TSPAN9: variants seen among roughly 807,000 people sequenced by gnomAD.
TSPAN9 encodes tetraspanin-9.
A neutral mutation model predicts 31.0 loss-of-function variants in TSPAN9; 16 were observed. The observed-to-expected ratio is 0.52, with a 90% CI of 0.35 to 0.78. The LOEUF (loss-of-function observed/expected upper bound fraction) is 0.78. TSPAN9 is among the 30% of genes least tolerant of loss of function. TSPAN9 has a pLI of 0.01. For missense variants in TSPAN9, 272 were observed against 312.5 expected (o/e 0.87, Z 0.98); for synonymous variants, 145 against 121.6 (o/e 1.19, Z -1.27).
At chr12:3,184,099 A>G (rs746835194) in intron 2 of TSPAN9, among the ~76,000 whole-genome samples, 36 of 152,282 alleles carry the variant, frequency 2.4e-4, no homozygotes, top group Non-Finnish European at 4.4e-4. Flanking sequence ...TCTTCCTTCA[A>G]TAAGAAAATC....
At chr12:3,097,158 G>A (rs561872021) in intron 2 of TSPAN9, among the ~76,000 whole-genome samples, 45 of 152,288 alleles carry the variant, frequency 3.0e-4, no homozygotes, top group Non-Finnish European at 5.3e-4. Context: ...GAGCAGAGGA[G>A]GCTGGAGCCA....
At chr12:3,268,172 T>TGCCCTCCCTGCGTTCCTGC (rs1363782999) in intron 3 of TSPAN9, among the ~76,000 whole-genome samples, 1 of 148,628 alleles carries the variant, frequency 6.7e-6, no homozygotes, top group Admixed American at 6.7e-5. Flanking sequence ...TCCTGCAGCC[T>TGCCCTCCCTGCGTTCCTGC]ACCCTCCGTG....
intron 3 of TSPAN9, chr12:3,212,029 T>G (rs889799188): frequency 1.5e-6 from 1 of 663,872 alleles, no homozygotes; most frequent in Non-Finnish European, 2.6e-6. Context: ...TGGAGTGCAG[T>G]GGCATGATCT....
intron 2 of TSPAN9, among the ~76,000 whole-genome samples, chr12:3,105,465 T>A (rs929626786): frequency 7.0e-6 from 1 of 143,656 alleles, no homozygotes; most frequent in Admixed American, 7.0e-5. Flanking sequence ...GCTGGAAAAA[T>A]TGGGGTCAGA....
intron 3 of TSPAN9, among the ~76,000 whole-genome samples, chr12:3,269,974 G>A (rs896256830): frequency 1.3e-5 from 2 of 152,210 alleles, no homozygotes; most frequent in Non-Finnish European, 2.9e-5. Flanking sequence ...ACTGGTGAAT[G>A]ATCACTCCTC....
intron 3 of TSPAN9, among the ~76,000 whole-genome samples, chr12:3,207,563 A>G (rs760638723): frequency 9.2e-5 from 14 of 152,172 alleles, no homozygotes; most frequent in Admixed American, 2.6e-4. Flanking sequence ...GCCATGGGAC[A>G]TCAGGGGAGA....
At chr12:3,127,766 C>T (rs1431000918) in intron 2 of TSPAN9, among the ~76,000 whole-genome samples, 4 of 152,140 alleles carry the variant, frequency 2.6e-5, no homozygotes, top group Non-Finnish European at 5.9e-5. Context: ...GTATTATGTA[C>T]TGTCCATAAT....
chr12:3,269,249 TGTGTTC>T (rs1422396510), intron 3 of TSPAN9, among the ~76,000 whole-genome samples: 3 of 44,350 alleles, frequency 6.8e-5, no homozygotes, highest in Admixed American at 2.1e-4. Flanking sequence ...CAGCCTGCCC[TGTGTTC>T]CTGCAGCCTG....
intron 3 of TSPAN9, among the ~76,000 whole-genome samples, chr12:3,217,105 C>T (rs2153974531): frequency 6.6e-6 from 1 of 152,362 alleles, no homozygotes; most frequent in South Asian, 2.1e-4. Context: ...TCATCGTTCC[C>T]TTTCTTTGGT....
At chr12:3,184,817 G>T (rs1023289677) in intron 2 of TSPAN9, among the ~76,000 whole-genome samples, 2 of 152,054 alleles carry the variant, frequency 1.3e-5, no homozygotes, top group African/African-American at 2.4e-5. Context: ...CGGAGGCTTG[G>T]GTGTCCATGG....
At chr12:3,225,590 C>G (rs2098386784) in intron 3 of TSPAN9, among the ~76,000 whole-genome samples, 1 of 152,108 alleles carries the variant, frequency 6.6e-6, no homozygotes, top group Non-Finnish European at 1.5e-5. Context: ...TTGTTGCATC[C>G]TCGTGGGAAG....
intron 2 of TSPAN9, among the ~76,000 whole-genome samples, chr12:3,104,791 C>T (rs943435332): frequency 1.3e-5 from 2 of 152,292 alleles, no homozygotes; most frequent in South Asian, 2.1e-4. Flanking sequence ...ACATTTTGTC[C>T]GAGGATACAG....
In TSPAN9 at chr12:3,157,827, C is replaced by G. The variant is rs1301167349; in HGVS notation, c.-17-43350C>G. Among the ~76,000 whole-genome samples, 3 of 152,304 alleles carry G rather than the reference C, an allele frequency of 2.0e-5. No individual in the cohort carries two copies. The East Asian group carries it at 5.8e-4, about 29-fold the overall frequency. On this transcript the variant is annotated intron_variant, in intron 2 of 8. Coordinates refer to ENST00000011898, the MANE Select transcript of TSPAN9 (RefSeq NM_006675.5). ...GCAGGCACCACCGCTGTCCAGGACGCATTTATGCCTGAATTGTAAGTTGTG... is the reference window on the plus strand; with the variant it reads ...GCAGGCACCACCGCTGTCCAGGACGGATTTATGCCTGAATTGTAAGTTGTG...
intron 2 of TSPAN9, among the ~76,000 whole-genome samples, chr12:3,174,614 A>T (rs549763173): frequency 6.6e-6 from 1 of 151,772 alleles, no homozygotes; most frequent in Non-Finnish European, 1.5e-5. Context: ...ACGGAGTCTC[A>T]CTCTGTCGCC....
intron 2 of TSPAN9, among the ~76,000 whole-genome samples, chr12:3,162,841 T>C (rs4766057): frequency 0.98 from 149,454 of 152,248 alleles, 73,412 homozygotes; most frequent in East Asian, 1. Context: ...AGGCTCAAGG[T>C]ACCATCTCCC....
rs57200900 is a variant in TSPAN9 at position 3,226,779 on chromosome 12, TA to T, written c.63+25524del. 3.4e-4 allele frequency among the ~76,000 whole-genome samples: 3 copies of T among 8,734 alleles called. 1 individual carries two copies. Among genetic ancestry groups the T allele is most frequent in the African/African-American group, 8.8e-4 (2 of 2,282 alleles). The allele number at this position is 8,734 out of a possible 152,430, so 5.7% of individuals were successfully genotyped here. ...ATATATATATATATATATATATATA[TA>T]TATATATATATATATTTTTTTTTTT... On this transcript the variant is annotated intron_variant, in intron 3 of 8. Transcript: ENST00000011898.
chr12:3,267,287 A>G (rs11615232), intron 3 of TSPAN9, among the ~76,000 whole-genome samples: 66,615 of 152,084 alleles, frequency 0.44, 16,007 homozygotes, highest in South Asian at 0.62. Flanking sequence ...CTTGTACAGC[A>G]TTTATATTCT....
intron 3 of TSPAN9, among the ~76,000 whole-genome samples, chr12:3,263,903 G>C (rs531337591): frequency 1.7e-4 from 26 of 152,322 alleles, no homozygotes; most frequent in African/African-American, 6.3e-4. Flanking sequence ...GGCTTTTTAG[G>C]TAGAGGGACA....
Position 3,168,473 on chromosome 12 carries a change from C to A in TSPAN9, c.-17-32704C>A, listed in dbSNP as rs1362880928. Among the ~76,000 whole-genome samples the A allele has an allele frequency of 6.6e-6, 1 of 152,284 alleles. No individual in the cohort carries two copies. ...CACACAGGACAGAATGAATTCAGGA[C>A]AGAGTCTAAGAAGAGGCTGCAAGGG... On this transcript the variant is annotated intron_variant, in intron 2 of 8. Coordinates refer to ENST00000011898, the MANE Select transcript of TSPAN9 (RefSeq NM_006675.5). This position sits in a 1 kb window ranked among gnomAD's most constrained non-coding sequence, Gnocchi z 4.0.
Sources: allele counts gnomAD v4.1 joint callset (sites outside exome capture counted in the v4.1 genomes callset), GRCh38; gene constraint gnomAD v4.1.1; non-coding constraint Gnocchi (gnomAD v3.1); transcripts MANE v1.5; gene names NCBI Gene and HGNC (gene_info 2026-07-23, HGNC 2026-07-21).